The following NDUFAF2 variants were observed in gnomAD, a reference collection of about 807,000 sequenced individuals.
NDUFAF2 encodes NADH dehydrogenase [ubiquinone] 1 alpha subcomplex assembly factor 2.
In NDUFAF2, 13 loss-of-function variants were observed where a neutral mutation model predicts 22.8. The observed-to-expected ratio is 0.57, with a 90% CI of 0.37 to 0.91. NDUFAF2 has a LOEUF of 0.91. NDUFAF2 is among the 40% of genes least tolerant of loss of function. The pLI is 0.01. For synonymous variants in NDUFAF2, 53 were observed against 64.2 expected (o/e 0.83, Z 0.84); for missense variants, 162 against 195.2 (o/e 0.83, Z 1.01).
Position 61,136,619 on chromosome 5 carries a change from G to A in NDUFAF2, c.259-16085G>A, listed in dbSNP as rs1380932274. On this transcript the variant is annotated intron_variant, in intron 3 of 3. Coordinates refer to ENST00000296597, the MANE Select transcript of NDUFAF2 (RefSeq NM_174889.5). ...CCCTTCAAACCAGGATCTGAGACAA[G>A]GATTTGGATACAAGTAACTTATTTG... Among the ~76,000 whole-genome samples the A allele has an allele frequency of 2.6e-5, 4 of 152,090 alleles. No homozygotes were observed. The East Asian group carries it at 5.8e-4, about 22-fold the overall frequency.
chr5:61,118,703 T>C (rs1284953071), intron 3 of NDUFAF2, among the ~76,000 whole-genome samples: 1 of 152,208 alleles, frequency 6.6e-6, no homozygotes, highest in African/African-American at 2.4e-5. Flanking sequence ...ATTACTTAAG[T>C]GTCAACTGAA....
intron 1 of NDUFAF2, among the ~76,000 whole-genome samples, chr5:60,951,597 T>C (rs1424350011): frequency 6.6e-6 from 1 of 152,206 alleles, no homozygotes; most frequent in African/African-American, 2.4e-5. Flanking sequence ...TATTATTGGA[T>C]TGATGTGCTT....
chr5:61,030,100 C>T (rs1223362474), intron 1 of NDUFAF2, among the ~76,000 whole-genome samples: 1 of 152,088 alleles, frequency 6.6e-6, no homozygotes, highest in Non-Finnish European at 1.5e-5. Context: ...CAAAGACATT[C>T]AGTTGTCACA....
chr5:60,983,252 T>A (rs1751013630), intron 1 of NDUFAF2, among the ~76,000 whole-genome samples: 1 of 123,086 alleles, frequency 8.1e-6, no homozygotes, highest in African/African-American at 3.1e-5. Context: ...GGGTTGTTTG[T>A]TTTTTTCTTG....
At chr5:61,136,005 T>TATATATA (rs1411594766) in intron 3 of NDUFAF2, among the ~76,000 whole-genome samples, 1 of 96,050 alleles carries the variant, frequency 1.0e-5, no homozygotes, top group African/African-American at 5.5e-5. Flanking sequence ...AAGCCTGTCT[T>TATATATA]TATATATATA....
chr5:61,043,046 C>G (rs925447868), intron 1 of NDUFAF2, among the ~76,000 whole-genome samples: 8 of 152,070 alleles, frequency 5.3e-5, no homozygotes, highest in Admixed American at 3.9e-4. Flanking sequence ...ATGGTGAAAC[C>G]CCGTCTCTAC....
intron 3 of NDUFAF2, among the ~76,000 whole-genome samples, chr5:61,136,854 G>A (rs753630198): frequency 5.3e-5 from 8 of 152,146 alleles, no homozygotes; most frequent in Non-Finnish European, 1.2e-4. Flanking sequence ...TTCTCACTAA[G>A]GCTCACTCCT....
intron 3 of NDUFAF2, among the ~76,000 whole-genome samples, chr5:61,143,974 G>T (rs1183631516): frequency 6.8e-6 from 1 of 146,760 alleles, no homozygotes; most frequent in Non-Finnish European, 1.5e-5. Flanking sequence ...GTGTGTGTGT[G>T]TGTGTGTGTG....
chr5:61,049,895 A>ACACACACG (rs1432092360), intron 1 of NDUFAF2, among the ~76,000 whole-genome samples: 4 of 150,404 alleles, frequency 2.7e-5, no homozygotes, highest in African/African-American at 9.8e-5. Flanking sequence ...ATACACACAC[A>ACACACACG]CACACACACA....
chr5:61,008,406 G>A (rs952614322), intron 1 of NDUFAF2, among the ~76,000 whole-genome samples: 7 of 152,118 alleles, frequency 4.6e-5, no homozygotes, highest in Non-Finnish European at 7.4e-5. Context: ...TATACAGATA[G>A]CAAAGGCATT....
intron 3 of NDUFAF2, among the ~76,000 whole-genome samples, chr5:61,146,884 T>A (rs1741147330): frequency 6.6e-6 from 1 of 152,220 alleles, no homozygotes; most frequent in Non-Finnish European, 1.5e-5. Context: ...ATATTCAGAT[T>A]CACTGTTCTT....
At chr5:60,972,092 G>A (rs557278954) in intron 1 of NDUFAF2, among the ~76,000 whole-genome samples, 160 of 151,794 alleles carry the variant, frequency 1.1e-3, no homozygotes, top group African/African-American at 3.5e-3. Flanking sequence ...ACAGGCATAC[G>A]CCACCGAGCC....
chr5:61,036,873 A>C (rs1333584691), intron 1 of NDUFAF2, among the ~76,000 whole-genome samples: 5 of 152,144 alleles, frequency 3.3e-5, no homozygotes, highest in Non-Finnish European at 5.9e-5. Context: ...GCTGGATCCC[A>C]CTGGAAGCCA....
chr5:60,987,089 GA>G (rs1751091904), intron 1 of NDUFAF2, among the ~76,000 whole-genome samples: 1 of 152,076 alleles, frequency 6.6e-6, no homozygotes, highest in Non-Finnish European at 1.5e-5. Context: ...AATTGAGAAA[GA>G]GAATGTTACC....
chr5:61,028,256 C>T (rs989839267), intron 1 of NDUFAF2, among the ~76,000 whole-genome samples: 1 of 151,880 alleles, frequency 6.6e-6, no homozygotes, highest in African/African-American at 2.4e-5. Context: ...ATGAACATCC[C>T]CCCCACCACA....
intron 2 of NDUFAF2, among the ~76,000 whole-genome samples, chr5:61,087,705 G>A (rs71630091): frequency 0.096 from 14,649 of 152,050 alleles, 936 homozygotes; most frequent in Non-Finnish European, 0.14. Context: ...TTCTTGTACC[G>A]GAATTTTCCC....
chr5:61,001,767 A>G (rs1485731080), intron 1 of NDUFAF2, among the ~76,000 whole-genome samples: 1 of 152,098 alleles, frequency 6.6e-6, no homozygotes, highest in African/African-American at 2.4e-5. Context: ...AGGGTTTGGC[A>G]TCTCAGGCAT....
intron 3 of NDUFAF2, chr5:61,116,846 A>AT (rs940088511): frequency 6.6e-6 from 1 of 152,128 alleles, no homozygotes; most frequent in African/African-American, 2.4e-5. Context: ...GAATGGAGAG[A>AT]TTTTTTTCCC....
chr5:61,052,822 C>T (rs147604680), intron 1 of NDUFAF2, among the ~76,000 whole-genome samples: 5 of 152,134 alleles, frequency 3.3e-5, no homozygotes, highest in Admixed American at 6.5e-5. Flanking sequence ...TTTTCTGGGG[C>T]GAATATGATA....
Sources: allele counts gnomAD v4.1 joint callset (sites outside exome capture counted in the v4.1 genomes callset), GRCh38; gene constraint gnomAD v4.1.1; transcripts MANE v1.5; gene names NCBI Gene and HGNC (gene_info 2026-07-23, HGNC 2026-07-21).